ATP10D: variants seen among roughly 807,000 people sequenced by gnomAD.
ATP10D encodes ATPase phospholipid transporting 10D (putative), also known as phospholipid-transporting ATPase VD.
In ATP10D, 89 loss-of-function variants were observed where a neutral mutation model predicts 144.8. The observed-to-expected ratio is 0.61, with a 90% CI of 0.52 to 0.73. The LOEUF is 0.73. ATP10D is among the 30% of genes least tolerant of loss of function. ATP10D has a pLI of 0.00. For missense variants in ATP10D, 1,603 were observed against 1,714.8 expected (o/e 0.93, Z 1.15); for synonymous variants, 571 against 615.1 (o/e 0.93, Z 1.06).
intron 21 of ATP10D, among the ~76,000 whole-genome samples, chr4:47,584,893 A>G (rs560544047): frequency 6.6e-6 from 1 of 152,342 alleles, no homozygotes; most frequent in South Asian, 2.1e-4. Context: ...GGTATCTGCC[A>G]TGGGGAAATA....
At chr4:47,563,214 A>G (rs145455581) in intron 14 of ATP10D, among the ~76,000 whole-genome samples, 72 of 152,316 alleles carry the variant, frequency 4.7e-4, no homozygotes, top group Admixed American at 1.4e-3. Flanking sequence ...GTGCCCCCTA[A>G]GTCTATAATA....
chr4:47,547,577 T>TAAA (rs1718506217), intron 10 of ATP10D: 1 of 152,228 alleles, frequency 6.6e-6, no homozygotes, highest in South Asian at 2.1e-4. Context: ...CTTTGCCTTT[T>TAAA]ACATTTTATT....
In ATP10D at chr4:47,572,943, CTG is replaced by C; in HGVS notation, c.3313_3314del (p.Trp1105ValfsTer15). The stretch of plus-strand genomic sequence containing the variant: ...GCAAGCTCCTTCTTGTCCATGGACA[CTG>C]GTGTTATACACGGCTTTCCAACATG... ...LSKLLLVHGH[W>X]CYTRLSNMIL... On this transcript the variant is annotated frameshift_variant, in exon 18 of 23. Coordinates refer to ENST00000273859, the MANE Select transcript of ATP10D (RefSeq NM_020453.4). LOFTEE classifies it high-confidence loss of function. 2 of 1,613,968 alleles carry C rather than the reference CTG, an allele frequency of 1.2e-6. No homozygotes were observed. Among genetic ancestry groups the C allele is most frequent in the Non-Finnish European group, 1.7e-6 (2 of 1,179,864 alleles).
Position 47,565,011 on chromosome 4 carries a change from C to T in ATP10D, c.2853+1246C>T, listed in dbSNP as rs192276274. On this transcript the variant is annotated intron_variant, in intron 15 of 22. Coordinates refer to ENST00000273859, the MANE Select transcript of ATP10D (RefSeq NM_020453.4). ...TGTTTTGAGGCAGCCCAGGCTGGAGCGCTATGGCGCGATCTCGGCTCACTG... is the reference window on the plus strand; with the variant it reads ...TGTTTTGAGGCAGCCCAGGCTGGAGTGCTATGGCGCGATCTCGGCTCACTG... Among the ~76,000 whole-genome samples the T allele has an allele frequency of 7.9e-3, 1,197 of 152,284 alleles. 18 individuals carry two copies. The highest frequency in any genetic ancestry group is 0.027 in the African/African-American group (1,108 of 41,572).
intron 9 of ATP10D, among the ~76,000 whole-genome samples, chr4:47,543,142 A>G (rs540730366): frequency 1.3e-5 from 2 of 152,252 alleles, no homozygotes; most frequent in African/African-American, 4.8e-5. Context: ...TGTTATAATT[A>G]TTCTATTTTA....
In ATP10D at chr4:47,558,000, C is replaced by G. The variant is rs1168683708; in HGVS notation, c.2161C>G (p.Leu721Val). 1.2e-6 allele frequency: 2 copies of G among 1,613,916 alleles called. No homozygotes were observed. Among genetic ancestry groups the G allele is most frequent in the African/African-American group, 1.3e-5 (1 of 74,910 alleles). ...SLPGQPLACNLCYEAESPDEA... is the reference protein window; with the variant it reads ...SLPGQPLACNVCYEAESPDEA... ...CCCTGGACAGCCATTGGCCTGCAAC[C>G]TGTGTTATGAGGCCGAGAGCCCAGA... Residue 721 changes from leucine (L) to valine (V), a missense_variant, in exon 12 of 23, where the codon CTG becomes GTG. Physicochemically the swap from Leu to Val is conservative, Grantham distance 32 (BLOSUM62 1). Coordinates refer to ENST00000273859, the MANE Select transcript of ATP10D (RefSeq NM_020453.4).
At chr4:47,539,786 TA>T (rs778731789) in intron 9 of ATP10D, among the ~76,000 whole-genome samples, 3 of 152,252 alleles carry the variant, frequency 2.0e-5, no homozygotes, top group Non-Finnish European at 4.4e-5. Flanking sequence ...AGCACTGCTT[TA>T]TTTTTTTGTA....
Position 47,523,145 on chromosome 4 carries a change from A to G in ATP10D, c.619A>G (p.Ile207Val). 1 of 1,614,128 alleles carries G rather than the reference A, an allele frequency of 6.2e-7. No individual in the cohort carries two copies. The highest frequency in any genetic ancestry group is 8.5e-7 in the Non-Finnish European group (1 of 1,180,008). The change falls in exon 4 of 23, where the codon ATT (isoleucine) becomes GTT (valine). Residue 207 changes from isoleucine to valine, a missense_variant. Transcript: ENST00000273859. ...FSTDPDGICH[I>V]ETSGLDGESN... is the part of the protein sequence containing the mutation. ...CACTGATCCAGATGGAATCTGTCAC[A>G]TTGAGACTTCTGGTCTTGATGGAGA...
chr4:47,577,055 C>T (rs1720276295), intron 19 of ATP10D, 82 bp downstream of exon 19: 1 of 1,201,500 alleles, frequency 8.3e-7, no homozygotes, highest in Admixed American at 1.9e-5. Flanking sequence ...CAAAATATTG[C>T]AGTCTACTCA....
chr4:47,531,892 G>A (rs989262521), intron 5 of ATP10D, among the ~76,000 whole-genome samples: 28 of 152,236 alleles, frequency 1.8e-4, no homozygotes, highest in Non-Finnish European at 2.8e-4. Flanking sequence ...TTTATGCGGT[G>A]GAGAGAACAG....
At chr4:47,520,205 G>C (rs939855454) in intron 3 of ATP10D, among the ~76,000 whole-genome samples, 1 of 152,180 alleles carries the variant, frequency 6.6e-6, no homozygotes, top group East Asian at 1.9e-4. Flanking sequence ...GCTTTCTTCA[G>C]ATAGAAAGTA....
At chr4:47,538,822 T>C (rs80282364) in intron 9 of ATP10D, among the ~76,000 whole-genome samples, 7,717 of 152,244 alleles carry the variant, frequency 0.051, 647 homozygotes, top group African/African-American at 0.18. Flanking sequence ...GCAGAGCAGT[T>C]TGCTTCTTCA....
At chr4:47,529,647 T>C (rs141411547) in intron 5 of ATP10D, among the ~76,000 whole-genome samples, 1 of 152,220 alleles carries the variant, frequency 6.6e-6, no homozygotes, top group African/African-American at 2.4e-5. Flanking sequence ...TTCCTTATGA[T>C]TTTAGAATTC....
rs1177556093 is a variant in ATP10D at position 47,558,290 on chromosome 4, G to C, written c.2434+17G>C. On this transcript the variant is annotated intron_variant, in intron 12 of 22. Transcript: ENST00000273859. The stretch of plus-strand genomic sequence containing the variant: ...CTTCCCCAGGTAAGTTTATACAAAA[G>C]TGAAATAGTAGTGATTTGAAAAGCT... 6.2e-7 allele frequency: 1 copy of C among 1,606,402 alleles called. No homozygotes were observed.
Position 47,535,902 on chromosome 4 carries a change from G to C in ATP10D, c.884G>C (p.Gly295Ala), listed in dbSNP as rs757426388. 4.3e-6 allele frequency: 7 copies of C among 1,610,594 alleles called. No homozygotes were observed. The highest frequency in any genetic ancestry group is 5.9e-6 in the Non-Finnish European group (7 of 1,178,674). Residue 295 changes from glycine to alanine, a missense_variant and splice_region_variant, in exon 7 of 23, where the codon GGC becomes GCC. By Grantham distance (60) the Gly-to-Ala change is moderately conservative. Transcript: ENST00000273859. ...EAVVGIVVYA[G>A]HETKAMLNNS... ...CTATCATACTGCACATCCTTCATAG[G>C]CCATGAAACCAAAGCAATGCTGAAC...
At chr4:47,498,317 T>G (rs1715506346) in intron 1 of ATP10D, among the ~76,000 whole-genome samples, 1 of 152,242 alleles carries the variant, frequency 6.6e-6, no homozygotes, top group African/African-American at 2.4e-5. Flanking sequence ...GATTGTCCTG[T>G]GTATTGCTGC....
At chr4:47,576,717 A>G (rs148367672) in intron 18 of ATP10D, 56 bp from the exon 19 acceptor site, 8 of 1,514,328 alleles carry the variant, frequency 5.3e-6, no homozygotes, top group Non-Finnish European at 7.3e-6. Flanking sequence ...TGGAATGTGT[A>G]ATCATAGCAC....
chr4:47,581,839 T>C (rs1043553334), intron 20 of ATP10D, 121 bp from the exon 21 acceptor site: 8 of 714,602 alleles, frequency 1.1e-5, no homozygotes, highest in Non-Finnish European at 2.0e-5. Flanking sequence ...TTATTTCATA[T>C]GGCCAGTTCA....
intron 1 of ATP10D, among the ~76,000 whole-genome samples, chr4:47,508,873 G>T (rs1046668207): frequency 1.3e-5 from 2 of 152,166 alleles, no homozygotes; most frequent in Non-Finnish European, 1.5e-5. Context: ...TAGGACTAAT[G>T]GTTTGTGACC....
Sources: gnomAD v4.1 joint callset for allele counts (sites outside exome capture counted in the v4.1 genomes callset) on GRCh38, gnomAD v4.1.1 for gene constraint, MANE v1.5 for transcripts, NCBI Gene and HGNC (gene_info 2026-07-23, HGNC 2026-07-21) for gene names.